Variants in CAMTA1 observed in about 807,000 individuals in gnomAD.
CAMTA1 encodes calmodulin-binding transcription activator 1.
A neutral mutation model predicts 170.9 loss-of-function variants in CAMTA1; 27 were observed. The ratio of observed to expected loss-of-function variants is 0.16; its 90% CI spans 0.12 to 0.22. The LOEUF is 0.22. Ranked by LOEUF, CAMTA1 falls within the 10% of genes least tolerant of loss-of-function variation. The probability of loss-of-function intolerance (pLI) is 1.00; values close to 1 mark genes in which losing one functional copy is unlikely to be tolerated. For missense variants in CAMTA1, 1,619 were observed against 2,217.2 expected (o/e 0.73, Z 5.42); for synonymous variants, 833 against 891.5 (o/e 0.93, Z 1.17).
At chr1:7,478,365 A>G (rs1010346216) in intron 6 of CAMTA1, among the ~76,000 whole-genome samples, 9 of 152,122 alleles carry the variant, frequency 5.9e-5, no homozygotes, top group Non-Finnish European at 1.3e-4. Flanking sequence ...GCCTTCTGGC[A>G]CTTGTCTCCT....
intron 4 of CAMTA1, among the ~76,000 whole-genome samples, chr1:7,138,314 T>C (rs1645661239): frequency 6.6e-6 from 1 of 152,170 alleles, no homozygotes; most frequent in Admixed American, 6.6e-5. Flanking sequence ...ATGAATACCT[T>C]TTAGCTCATA....
rs765385360 is a variant in CAMTA1, at chr1:7,664,929, G to C, written c.2382G>C (p.Gln794His). Reference sequence around the variant, plus strand: ...GCAGCAGCACCATCTATGGGCACCAGCTGGTGTCGGGGGACAGCACGGCGC... The same window carrying C: ...GCAGCAGCACCATCTATGGGCACCACCTGGTGTCGGGGGACAGCACGGCGC... ...EGGSSTIYGH[Q>H]LVSGDSTALS... The change falls in exon 9 of 23, where the codon CAG (glutamine) becomes CAC (histidine). Residue 794 changes from glutamine (Q) to histidine (H), a missense_variant. Gln to His is a conservative substitution (Grantham distance 24). This residue lies in a region of CAMTA1 where 731 missense variants were observed against 907.6 expected (regional missense o/e 0.81). Transcript: ENST00000303635. 18 of 1,613,130 alleles carry C rather than the reference G, an allele frequency of 1.1e-5. No individual in the cohort carries two copies. Among genetic ancestry groups the C allele is most frequent in the Non-Finnish European group, 1.4e-5 (17 of 1,179,996 alleles).
At chr1:7,405,797 G>C (rs745620392) in intron 5 of CAMTA1, among the ~76,000 whole-genome samples, 1 of 152,222 alleles carries the variant, frequency 6.6e-6, no homozygotes, top group Admixed American at 6.5e-5. Flanking sequence ...GTCAACAGCA[G>C]TGCAGTGCCC....
rs1173462265 is a variant in CAMTA1 at position 7,680,864 on chromosome 1, G to GCGC, written c.2914+3132_2914+3133insGCC. ...AACACGCGCGCGCGCGCGCGCGCCAGCAGCAGCAGCAGCAGCAGCTGCTGC... is the reference window on the plus strand; with the variant it reads ...AACACGCGCGCGCGCGCGCGCGCCAGCGCCAGCAGCAGCAGCAGCAGCTGCTGC... On this transcript the variant is annotated intron_variant, in intron 11 of 22. Transcript: ENST00000303635. This position sits in a 1 kb window ranked among gnomAD's most constrained non-coding sequence, Gnocchi z 4.4. Among the ~76,000 whole-genome samples, 72 of 135,638 alleles carry GCGC rather than the reference G, an allele frequency of 5.3e-4. No homozygotes were observed. The Middle Eastern group carries it at 0.012, about 23-fold the overall frequency. 89.0% of individuals were successfully genotyped at this position (135,638 alleles called of 152,430 possible). A position where few individuals can be genotyped will look rare whatever the true frequency, so the allele number is the denominator to read the frequency against.
chr1:7,094,358 A>G (rs1641823319), intron 4 of CAMTA1, among the ~76,000 whole-genome samples: 2 of 151,858 alleles, frequency 1.3e-5, no homozygotes, highest in Non-Finnish European at 2.9e-5. Flanking sequence ...TGACACCAAT[A>G]CTCTGCTGAA....
intron 1 of CAMTA1, among the ~76,000 whole-genome samples, chr1:6,804,373 C>CT (rs1316391144): frequency 6.6e-6 from 1 of 151,716 alleles, no homozygotes; most frequent in African/African-American, 2.4e-5. Context: ...AAAATTAACC[C>CT]TTTTAAAATA....
intron 6 of CAMTA1, among the ~76,000 whole-genome samples, chr1:7,598,717 T>G (rs993052606): frequency 1.9e-4 from 29 of 152,240 alleles, no homozygotes; most frequent in African/African-American, 5.5e-4. Flanking sequence ...TCATGTGTCT[T>G]TTGGCTGCAT....
intron 6 of CAMTA1, among the ~76,000 whole-genome samples, chr1:7,544,338 T>C (rs545116299): frequency 6.6e-5 from 10 of 152,276 alleles, no homozygotes; most frequent in Non-Finnish European, 1.3e-4. Context: ...TCCCGCCAGG[T>C]CCCTCCCACA....
At chr1:6,807,000 C>T in intron 1 of CAMTA1, 1 of 651,766 alleles carries the variant, frequency 1.5e-6, no homozygotes, top group African/African-American at 1.8e-5. Context: ...GAAGGACAGA[C>T]CCAGTCTCTG....
chr1:6,884,167 C>G (rs1009559115), intron 3 of CAMTA1, among the ~76,000 whole-genome samples: 4 of 111,792 alleles, frequency 3.6e-5, no homozygotes, highest in Non-Finnish European at 8.0e-5. Flanking sequence ...TTTCTCACTC[C>G]TTCTGAGGGG....
At chr1:7,345,238 A>G (rs1289045523) in intron 5 of CAMTA1, among the ~76,000 whole-genome samples, 1 of 152,350 alleles carries the variant, frequency 6.6e-6, no homozygotes, top group East Asian at 1.9e-4. Context: ...TAATACAGTC[A>G]GTGTTCTCAA....
chr1:7,496,839 C>G (rs2093835451), intron 6 of CAMTA1, among the ~76,000 whole-genome samples: 1 of 152,008 alleles, frequency 6.6e-6, no homozygotes, highest in South Asian at 2.1e-4. Context: ...CAGGCCCCAA[C>G]ACCACCTCCC....
At chr1:7,745,434 G>A (rs765531064) in intron 17 of CAMTA1, among the ~76,000 whole-genome samples, 2 of 152,122 alleles carry the variant, frequency 1.3e-5, no homozygotes, top group Non-Finnish European at 2.9e-5. Context: ...GCTGAGGCAG[G>A]AGAATTGCTT....
At chr1:7,501,042 C>T (rs546625041) in intron 6 of CAMTA1, among the ~76,000 whole-genome samples, 2 of 152,316 alleles carry the variant, frequency 1.3e-5, no homozygotes, top group East Asian at 3.9e-4. Context: ...GGAAAGCAAG[C>T]ACAGATCCTC....
intron 5 of CAMTA1, among the ~76,000 whole-genome samples, chr1:7,425,385 T>C (rs1315466430): frequency 6.6e-6 from 1 of 152,046 alleles, no homozygotes; most frequent in Non-Finnish European, 1.5e-5. Flanking sequence ...ACCTAGACCC[T>C]GGGAAAGAGG....
intron 1 of CAMTA1, among the ~76,000 whole-genome samples, chr1:6,792,763 T>G (rs1641478318): frequency 6.6e-6 from 1 of 152,194 alleles, no homozygotes; most frequent in Admixed American, 6.5e-5. Flanking sequence ...TTTTTCAAAT[T>G]TAGCCAGGGC....
At chr1:7,645,756 G>A (rs748786202) in intron 7 of CAMTA1, among the ~76,000 whole-genome samples, 1 of 152,150 alleles carries the variant, frequency 6.6e-6, no homozygotes, top group Admixed American at 6.5e-5. Flanking sequence ...AGCACTGGGC[G>A]GGCGGCAGGA....
intron 4 of CAMTA1, among the ~76,000 whole-genome samples, chr1:7,179,524 G>C (rs192351289): frequency 1.3e-5 from 2 of 152,232 alleles, no homozygotes; most frequent in East Asian, 3.9e-4. Context: ...ATTTCAGTAA[G>C]TTCTATAAGG....
chr1:6,926,333 C>T (rs1683078086), intron 3 of CAMTA1, among the ~76,000 whole-genome samples: 1 of 146,478 alleles, frequency 6.8e-6, no homozygotes, highest in East Asian at 2.1e-4. Flanking sequence ...CTCCCCTCTC[C>T]TCTCCTTTCC....
Sources: allele counts gnomAD v4.1 joint callset (sites outside exome capture counted in the v4.1 genomes callset), GRCh38; gene constraint gnomAD v4.1.1; regional missense constraint gnomAD v4.1.1; non-coding constraint Gnocchi (gnomAD v3.1); transcripts MANE v1.5; gene names NCBI Gene and HGNC (gene_info 2026-07-23, HGNC 2026-07-21).